Variants in GALNT13 observed in about 807,000 individuals in gnomAD.
GALNT13 encodes the protein UDP-GalNAc:polypeptide N-acetylgalactosaminyltransferase 13.
A neutral mutation model predicts 64.2 loss-of-function variants in GALNT13; 28 were observed. The observed-to-expected ratio is 0.44, with a 90% confidence interval of 0.32 to 0.60. GALNT13 has a LOEUF of 0.60. Ranked by LOEUF, GALNT13 falls within the 20% of genes least tolerant of loss-of-function variation. The pLI is 0.05. For synonymous variants in GALNT13, 214 were observed against 224.6 expected, an observed-to-expected ratio of 0.95 and a Z score of 0.42; for missense variants, 577 against 669.8, an observed-to-expected ratio of 0.86 and a Z score of 1.53.
chr2:154,264,474 A>G (rs928515554), intron 8 of GALNT13, among the ~76,000 whole-genome samples: 12 of 151,246 alleles, frequency 7.9e-5, no homozygotes, highest in African/African-American at 2.4e-4. Flanking sequence ...TACAAAAAAA[A>G]AAAAAAAAAA....
At chr2:153,251,063 T>C in the GALNT13 span, among the ~76,000 whole-genome samples, 1 of 151,654 alleles carries the variant, frequency 6.6e-6, no homozygotes, top group African/African-American at 2.4e-5. Context: ...TAATTTTTTT[T>C]ATTACTCAAT....
At chr2:154,011,938 T>C (rs1447857824) in intron 3 of GALNT13, among the ~76,000 whole-genome samples, 1 of 152,212 alleles carries the variant, frequency 6.6e-6, no homozygotes, top group Non-Finnish European at 1.5e-5. Flanking sequence ...TTTCTTTACT[T>C]TGAGCCTCTA....
chr2:154,190,657 C>A (rs1271829604), intron 4 of GALNT13, among the ~76,000 whole-genome samples: 5 of 152,140 alleles, frequency 3.3e-5, no homozygotes, highest in Non-Finnish European at 7.4e-5. Context: ...TTAACCTAAT[C>A]AAACACCATA....
At chr2:153,381,627 G>A in the GALNT13 span, among the ~76,000 whole-genome samples, 1 of 151,908 alleles carries the variant, frequency 6.6e-6, no homozygotes, top group Non-Finnish European at 1.5e-5. Flanking sequence ...TTGAATCAAT[G>A]GGCAAAGATG....
intron 12 of GALNT13, among the ~76,000 whole-genome samples, chr2:154,444,840 A>G (rs1311261176): frequency 6.6e-6 from 1 of 152,052 alleles, no homozygotes. Flanking sequence ...AAAAAAGTTA[A>G]ATGGATTTTG....
intron 4 of GALNT13, among the ~76,000 whole-genome samples, chr2:154,149,756 A>C (rs574019438): frequency 5.6e-4 from 85 of 152,156 alleles, no homozygotes; most frequent in African/African-American, 1.9e-3. Flanking sequence ...AAGAATGCTC[A>C]TGATTTTTGT....
chr2:153,640,818 G>A, the GALNT13 span, among the ~76,000 whole-genome samples: 1,276 of 152,164 alleles, frequency 8.4e-3, 37 homozygotes, highest in Non-Finnish European at 7.3e-3. Context: ...CTGCTGCAGC[G>A]GAGATACACA....
chr2:153,116,412 AT>A, the GALNT13 span, among the ~76,000 whole-genome samples: 1 of 152,174 alleles, frequency 6.6e-6, no homozygotes, highest in Non-Finnish European at 1.5e-5. Flanking sequence ...TTTACTTCAA[AT>A]TGGTCATTTA....
chr2:154,036,088 A>G (rs1164747293), intron 3 of GALNT13, among the ~76,000 whole-genome samples: 1 of 152,072 alleles, frequency 6.6e-6, no homozygotes, highest in Admixed American at 6.6e-5. Context: ...TAGCTATTCT[A>G]AATAATCATT....
At chr2:153,740,920 T>C in the GALNT13 span, among the ~76,000 whole-genome samples, 1 of 152,160 alleles carries the variant, frequency 6.6e-6, no homozygotes, top group African/African-American at 2.4e-5. Context: ...GGCTCTCCTC[T>C]TAGATAAACT....
rs545375229 is a variant in GALNT13, at chr2:154,193,456, T to C, written c.312-48574T>C. 2.4e-3 allele frequency among the ~76,000 whole-genome samples: 370 copies of C among 152,300 alleles called. 2 individuals are homozygous for C. Among genetic ancestry groups the C allele is most frequent in the African/African-American group, 8.4e-3 (351 of 41,570 alleles). Reference sequence around the variant, plus strand: ...TCCCTCAGAACTAACCAGTCTGCAGTTTTGTTTCCTGAAGAACCGTGACCA... The same window carrying C: ...TCCCTCAGAACTAACCAGTCTGCAGCTTTGTTTCCTGAAGAACCGTGACCA... On this transcript the variant is annotated intron_variant, in intron 4 of 12. Transcript: ENST00000392825.
chr2:153,259,312 C>T, the GALNT13 span, among the ~76,000 whole-genome samples: 68,825 of 151,032 alleles, frequency 0.46, 16,036 homozygotes, highest in Non-Finnish European at 0.5. Flanking sequence ...TTTTATGTGT[C>T]TCTTTATAGG....
At chr2:154,403,234 C>A (rs1396682586) in intron 10 of GALNT13, among the ~76,000 whole-genome samples, 1 of 152,128 alleles carries the variant, frequency 6.6e-6, no homozygotes, top group Non-Finnish European at 1.5e-5. Context: ...AGGCGGATCA[C>A]TTGAGATCAG....
At chr2:154,298,174 A>G (rs1574041866) in intron 8 of GALNT13, among the ~76,000 whole-genome samples, 1 of 151,736 alleles carries the variant, frequency 6.6e-6, no homozygotes. Flanking sequence ...ATGGATAAAC[A>G]TATAAGAAGA....
chr2:153,896,081 A>ATATATATATATATATATTTTTTTTTT (rs1574065409), intron 1 of GALNT13, among the ~76,000 whole-genome samples: 5 of 136,810 alleles, frequency 3.7e-5, no homozygotes, highest in African/African-American at 8.4e-5. Context: ...ATGATTTTAT[A>ATATATATATATATATATTTTTTTTTT]TTTTTATGTT....
the GALNT13 span, among the ~76,000 whole-genome samples, chr2:153,720,217 G>A: frequency 6.9e-6 from 1 of 145,462 alleles, no homozygotes; most frequent in African/African-American, 2.6e-5. Flanking sequence ...ACCTCACACG[G>A]CAGGGTATTC....
At chr2:153,478,371 G>C in the GALNT13 span, 5 of 1,613,266 alleles carry the variant, frequency 3.1e-6, no homozygotes, top group Non-Finnish European at 4.2e-6. Flanking sequence ...CGGTGAGTGA[G>C]AGCACGCACA....
At chr2:154,353,179 C>CA (rs1012755981) in intron 9 of GALNT13, among the ~76,000 whole-genome samples, 1 of 152,068 alleles carries the variant, frequency 6.6e-6, no homozygotes, top group Admixed American at 6.6e-5. Flanking sequence ...AAAATATATA[C>CA]ATCATTAGGC....
At chr2:154,102,906 T>G (rs1279678779) in intron 3 of GALNT13, among the ~76,000 whole-genome samples, 1 of 152,138 alleles carries the variant, frequency 6.6e-6, no homozygotes, top group Non-Finnish European at 1.5e-5. Flanking sequence ...TTTATACTGT[T>G]GTTTGCTTAA....
Sources: allele counts gnomAD v4.1 joint callset (sites outside exome capture counted in the v4.1 genomes callset), GRCh38; gene constraint gnomAD v4.1.1; transcripts MANE v1.5; gene names NCBI Gene and HGNC (gene_info 2026-07-23, HGNC 2026-07-21).